The following PKHD1L1 variants were observed in gnomAD, a reference collection of about 807,000 sequenced individuals.
The protein encoded by PKHD1L1 is PKHD1 like 1.
Under a neutral mutation model 462.9 loss-of-function variants are expected in PKHD1L1, and 434 were observed. The ratio of observed to expected loss-of-function variants is 0.94; its 90% CI spans 0.87 to 1.02. The LOEUF (loss-of-function observed/expected upper bound fraction) is 1.02, where lower values mean the gene tolerates loss of function less well. PKHD1L1 is among the 50% of genes least tolerant of loss of function. The pLI, the probability that PKHD1L1 is intolerant of heterozygous loss-of-function variation, is 0.00. For synonymous variants in PKHD1L1, 1,781 were observed against 1,750.0 expected (o/e 1.02, Z -0.44); for missense variants, 5,202 against 5,096.1 (o/e 1.02, Z -0.63).
chr8:109,415,862 GGGGTGTGTGTGTGTGT>G (rs1814132465), intron 21 of PKHD1L1, among the ~76,000 whole-genome samples: 4 of 83,922 alleles, frequency 4.8e-5, no homozygotes, highest in African/African-American at 6.1e-5. Context: ...AAAAAAAAAA[GGGGTGTGTGTGTGTGT>G]GTGTGTGTGT....
intron 57 of PKHD1L1, among the ~76,000 whole-genome samples, chr8:109,484,486 C>T (rs187513026): frequency 2.8e-4 from 42 of 152,006 alleles, no homozygotes; most frequent in Admixed American, 1.4e-3. Context: ...GTGATAGAGA[C>T]TGCCATGGCA....
chr8:109,483,260 G>A (rs961265119), intron 57 of PKHD1L1, among the ~76,000 whole-genome samples, 155 bp downstream of exon 57: 3 of 151,562 alleles, frequency 2.0e-5, no homozygotes, highest in Admixed American at 6.6e-5. Context: ...GTATCCGATA[G>A]GAGGCATTTA....
At chr8:109,388,758 T>A (rs1812560637) in intron 7 of PKHD1L1, among the ~76,000 whole-genome samples, 1 of 152,168 alleles carries the variant, frequency 6.6e-6, no homozygotes, top group Non-Finnish European at 1.5e-5. Context: ...TATGAACTAT[T>A]TAGATTTTTA....
chr8:109,498,619 T>C lies in PKHD1L1; in HGVS notation c.10712-36T>C, dbSNP rs375278234. On this transcript the variant is annotated intron_variant, in intron 66 of 77. Transcript: ENST00000378402. ...ATGTTGTTGTTCATATGAGTGCATA[T>C]TCAATTTTCATTAACTTTTTCTTTT... is the stretch of plus-strand genomic sequence containing the variant. The C allele has an allele frequency of 3.6e-5, 58 of 1,610,772 alleles. No homozygotes were observed. The African/African-American group carries it at 3.9e-4, about 11-fold the overall frequency.
At chr8:109,430,153 A>C in intron 27 of PKHD1L1, 116 bp downstream of exon 27, 2 of 632,968 alleles carry the variant, frequency 3.2e-6, no homozygotes, top group South Asian at 4.3e-5. Context: ...AAGCAAGCAA[A>C]CAGTTCTACA....
chr8:109,486,835 C>A lies in PKHD1L1; in HGVS notation c.9880+14C>A. On this transcript the variant is annotated intron_variant, in intron 59 of 77. Transcript: ENST00000378402. ...TGACATTTAAAGGTTGGTATCAATT[C>A]AGTTTATTTTTCTAAATGAGCTATA... is the stretch of plus-strand genomic sequence containing the variant. The A allele has an allele frequency of 6.2e-7, 1 of 1,605,172 alleles. No individual in the cohort carries two copies. The highest frequency in any genetic ancestry group is 8.5e-7 in the Non-Finnish European group (1 of 1,174,128).
chr8:109,392,742 C>A (rs1812772501), intron 9 of PKHD1L1, among the ~76,000 whole-genome samples: 1 of 151,982 alleles, frequency 6.6e-6, no homozygotes, highest in African/African-American at 2.4e-5. Flanking sequence ...AATGTTAAAT[C>A]ATTCATTAAC....
In PKHD1L1 at chr8:109,483,005, A is replaced by G; in HGVS notation, c.9476A>G (p.Asp3159Gly). Residue 3159 changes from aspartate (D) to glycine (G), a missense_variant, in exon 57 of 78, where the codon GAT becomes GGT. Asp to Gly is a moderately conservative substitution (Grantham distance 94, BLOSUM62 -1). This residue lies in a region of PKHD1L1 where 4,497 missense variants were observed against 4,336.8 expected (regional missense o/e 1.04). Transcript: ENST00000378402. ...TCTTTAGGGGTGTTTGGTGAGCTGG[A>G]TCTTCATGGAATTCCACATTCAATA... ...AKVLGVFGEL[D>G]LHGIPHSIYK... The G allele has an allele frequency of 6.3e-7, 1 of 1,593,838 alleles. No homozygotes were observed. The highest frequency in any genetic ancestry group is 8.5e-7 in the Non-Finnish European group (1 of 1,170,302).
chr8:109,523,954 A>G (rs1037597451), intron 76 of PKHD1L1, among the ~76,000 whole-genome samples: 1 of 152,168 alleles, frequency 6.6e-6, no homozygotes, highest in African/African-American at 2.4e-5. Flanking sequence ...GTATTAAGTG[A>G]TATCTTCAAC....
At chr8:109,494,054 G>A (rs538363643) in intron 63 of PKHD1L1, among the ~76,000 whole-genome samples, 37 of 151,820 alleles carry the variant, frequency 2.4e-4, no homozygotes, top group Admixed American at 7.2e-4. Flanking sequence ...TTAAAAAAAC[G>A]GCACTTATTA....
intron 67 of PKHD1L1, among the ~76,000 whole-genome samples, chr8:109,501,370 C>T (rs1470239363): frequency 6.6e-6 from 1 of 152,248 alleles, no homozygotes; most frequent in Admixed American, 6.5e-5. Flanking sequence ...TATGCAGGAG[C>T]CCGTGCCATT....
At chr8:109,392,102 C>T (rs1009142104) in intron 9 of PKHD1L1, among the ~76,000 whole-genome samples, 7 of 152,154 alleles carry the variant, frequency 4.6e-5, no homozygotes, top group Non-Finnish European at 7.4e-5. Flanking sequence ...TGATAAGACA[C>T]GGCAACAGGA....
chr8:109,416,505 A>T (rs1261339424), intron 21 of PKHD1L1, among the ~76,000 whole-genome samples: 2 of 152,190 alleles, frequency 1.3e-5, no homozygotes, highest in African/African-American at 4.8e-5. Context: ...GTTGAGAGAG[A>T]TATATTAGTA....
chr8:109,467,861 G>GA (rs139987016), intron 50 of PKHD1L1, among the ~76,000 whole-genome samples: 23,690 of 151,998 alleles, frequency 0.16, 2,152 homozygotes, highest in South Asian at 0.27. Context: ...CAGCAATATG[G>GA]AAAACTGTCA....
chr8:109,452,282 T>A lies in PKHD1L1; in HGVS notation c.6507+2T>A. 6.3e-7 allele frequency: 1 copy of A among 1,597,604 alleles called. No individual in the cohort carries two copies. The highest frequency in any genetic ancestry group is 8.5e-7 in the Non-Finnish European group (1 of 1,170,040). On this transcript the variant is annotated splice_donor_variant, in intron 42 of 77. Transcript: ENST00000378402. LOFTEE classifies it high-confidence loss of function. ...AGAGGTGTCGGCATGGCCAAACTGG[T>A]AATAGTGCTGTTGGGTATAGTAATC...
intron 3 of PKHD1L1, among the ~76,000 whole-genome samples, chr8:109,382,048 T>C (rs768686964): frequency 2.6e-5 from 4 of 152,162 alleles, no homozygotes; most frequent in Non-Finnish European, 4.4e-5. Context: ...TTCATTTATC[T>C]TAGGCCTGTC....
At chr8:109,442,279 T>A in intron 35 of PKHD1L1, 84 bp downstream of exon 35, 1 of 1,252,818 alleles carries the variant, frequency 8.0e-7, no homozygotes, top group African/African-American at 1.5e-5. Flanking sequence ...TTTAATACAG[T>A]ATTTTTACAT....
At chr8:109,438,641 AAG>A (rs1815581342) in intron 31 of PKHD1L1, among the ~76,000 whole-genome samples, 185 bp downstream of exon 31, 1 of 152,100 alleles carries the variant, frequency 6.6e-6, no homozygotes, top group Non-Finnish European at 1.5e-5. Context: ...CATATGCAAT[AAG>A]GAGAAAAATA....
chr8:109,477,433 C>T lies in PKHD1L1; in HGVS notation c.9089+37C>T, dbSNP rs368740998. 1,448 of 1,530,916 alleles carry T rather than the reference C, an allele frequency of 9.5e-4. 2 individuals are homozygous for T. Among genetic ancestry groups the T allele is most frequent in the Non-Finnish European group, 9.7e-4 (1,080 of 1,116,406 alleles). 94.8% of individuals were successfully genotyped at this position (1,530,916 alleles called of 1,614,324 possible). A position where few individuals can be genotyped will look rare whatever the true frequency, so the allele number is the denominator to read the frequency against. The stretch of plus-strand genomic sequence containing the variant: ...TTTTGTAGTTGATACCCTTCAATAT[C>T]TCTTAACATAATCCTTTTCACATGT... On this transcript the variant is annotated intron_variant, in intron 53 of 77. Transcript: ENST00000378402.
Sources: allele counts gnomAD v4.1 joint callset (sites outside exome capture counted in the v4.1 genomes callset), GRCh38; gene constraint gnomAD v4.1.1; regional missense constraint gnomAD v4.1.1; transcripts MANE v1.5; gene names NCBI Gene and HGNC (gene_info 2026-07-23, HGNC 2026-07-21).